NR4A3: variants seen among roughly 807,000 people sequenced by gnomAD.
NR4A3 encodes nuclear receptor subfamily 4 group A member 3.
Under a neutral mutation model 55.6 loss-of-function variants are expected in NR4A3, and 13 were observed. The observed-to-expected ratio is 0.23, with a 90% CI of 0.15 to 0.37. The LOEUF (loss-of-function observed/expected upper bound fraction) is 0.37, where lower values mean the gene tolerates loss of function less well. Ranked by LOEUF, NR4A3 falls within the 10% of genes least tolerant of loss-of-function variation. The pLI, the probability that NR4A3 is intolerant of heterozygous loss-of-function variation, is 1.00. For missense variants in NR4A3, 646 were observed against 822.8 expected (o/e 0.79, Z 2.63); for synonymous variants, 342 against 357.9 (o/e 0.96, Z 0.50).
In NR4A3 at chr9:99,866,677, CAG is replaced by C. The variant is rs1828104172; in HGVS notation, c.*2811_*2812del. 4.5e-6 allele frequency: 1 copy of C among 224,412 alleles called. No individual in the cohort carries two copies. Among genetic ancestry groups the C allele is most frequent in the African/African-American group, 2.2e-5 (1 of 44,852 alleles). The allele number at this position is 224,412 out of a possible 1,614,324, so 13.9% of individuals were successfully genotyped here. On this transcript the variant is annotated 3_prime_UTR_variant, in exon 8 of 8. Transcript: ENST00000395097. ...CCTCCCCTTGGCGGGAGAGCTCTCTCAGTGTGAACATGCCTTCTGTGGGCGGA... is the reference window on the plus strand; with the variant it reads ...CCTCCCCTTGGCGGGAGAGCTCTCTCTGTGAACATGCCTTCTGTGGGCGGA...
intron 5 of NR4A3, among the ~76,000 whole-genome samples, chr9:99,842,716 C>T (rs1222974658): frequency 6.6e-6 from 1 of 151,106 alleles, no homozygotes; most frequent in African/African-American, 2.4e-5. Context: ...GGCGACAGAG[C>T]AAGACACCAT....
chr9:99,863,026 G>T (rs1211208057), intron 7 of NR4A3, among the ~76,000 whole-genome samples: 4 of 152,164 alleles, frequency 2.6e-5, no homozygotes, highest in Non-Finnish European at 5.9e-5. Flanking sequence ...CTCAGTGCTG[G>T]TTAGCATGAA....
intron 5 of NR4A3, chr9:99,833,749 A>G (rs1206998130): frequency 6.3e-6 from 9 of 1,425,288 alleles, no homozygotes; most frequent in Non-Finnish European, 7.4e-6. Flanking sequence ...CAGACAAACT[A>G]CAATTTGTAG....
chr9:99,828,266 G>A lies in NR4A3; in HGVS notation c.224G>A (p.Cys75Tyr). Residue 75 changes from cysteine (C) to tyrosine (Y), a missense_variant, in exon 3 of 8, where the codon TGC becomes TAC. By Grantham distance (194) the Cys-to-Tyr change is radical. Around this residue, in one of 5 missense-constraint regions of NR4A3, gnomAD observed 426 missense variants for 429.4 expected, o/e 0.99. Coordinates refer to ENST00000395097, the MANE Select transcript of NR4A3 (RefSeq NM_006981.4). This position sits in a 1 kb window ranked among gnomAD's most constrained non-coding sequence, Gnocchi z 7.7. ...YSSNYELKPS[C>Y]VYQMQRPLIK... ...AGCAACTACGAACTCAAGCCTTCCTGCGTGTACCAAATGCAGCGGCCCTTG... is the reference window on the plus strand; with the variant it reads ...AGCAACTACGAACTCAAGCCTTCCTACGTGTACCAAATGCAGCGGCCCTTG... The A allele has an allele frequency of 6.2e-7, 1 of 1,613,966 alleles. No individual in the cohort carries two copies. Among genetic ancestry groups the A allele is most frequent in the Non-Finnish European group, 8.5e-7 (1 of 1,179,990 alleles).
At chr9:99,836,621 A>G (rs1420296428) in intron 5 of NR4A3, among the ~76,000 whole-genome samples, 1 of 152,270 alleles carries the variant, frequency 6.6e-6, no homozygotes, top group Non-Finnish European at 1.5e-5. Flanking sequence ...TATGGCAAAA[A>G]GAACTATTCT....
At position 99,864,565 on chromosome 9, in the gene NR4A3, A is replaced by C. The variant is rs558064941; in HGVS notation, c.*698A>C. Reference sequence around the variant, plus strand: ...AAAAAGGAGGCAGTCATGTTAGCAAATGACACGTTAATATCCCTAGCAGAG... The same window carrying C: ...AAAAAGGAGGCAGTCATGTTAGCAACTGACACGTTAATATCCCTAGCAGAG... On this transcript the variant is annotated 3_prime_UTR_variant, in exon 8 of 8. Coordinates refer to ENST00000395097, the MANE Select transcript of NR4A3 (RefSeq NM_006981.4). The C allele has an allele frequency of 6.6e-4, 150 of 227,810 alleles. 1 individual carries two copies. The South Asian group carries it at 0.015, about 22-fold the overall frequency. The allele number at this position is 227,810 out of a possible 1,614,324, so 14.1% of individuals were successfully genotyped here.
intron 5 of NR4A3, among the ~76,000 whole-genome samples, chr9:99,838,313 T>C (rs545412130): frequency 6.6e-6 from 1 of 152,296 alleles, no homozygotes; most frequent in East Asian, 1.9e-4. Context: ...GACTTGCAAA[T>C]ACGAGAGGTG....
intron 7 of NR4A3, among the ~76,000 whole-genome samples, chr9:99,858,705 G>T (rs929722375): frequency 3.3e-5 from 5 of 152,162 alleles, no homozygotes; most frequent in African/African-American, 9.7e-5. Context: ...TAGAGTAAAA[G>T]AAAATAGCCC....
chr9:99,824,679 T>G (rs1277143776), intron 1 of NR4A3, among the ~76,000 whole-genome samples: 1 of 152,200 alleles, frequency 6.6e-6, no homozygotes, highest in Non-Finnish European at 1.5e-5. Flanking sequence ...TGGTTTGATT[T>G]GGGGTTTTTC....
chr9:99,828,326 A>G lies in NR4A3; in HGVS notation c.284A>G (p.His95Arg). ...GAGGAGGGGCGGGCGCCCAGCTACCATCACCATCACCACCACCACCACCAC... is the reference window on the plus strand; with the variant it reads ...GAGGAGGGGCGGGCGCCCAGCTACCGTCACCATCACCACCACCACCACCAC... Reference protein sequence around the residue: ...KVEEGRAPSYHHHHHHHHHHH... With the variant: ...KVEEGRAPSYRHHHHHHHHHH... The change falls in exon 3 of 8, where the codon CAT (histidine) becomes CGT (arginine). Residue 95 changes from histidine to arginine, a missense_variant. Coordinates refer to ENST00000395097, the MANE Select transcript of NR4A3 (RefSeq NM_006981.4). The surrounding 1 kb of genome is among the most constrained non-coding windows in gnomAD (Gnocchi z 7.7). The G allele has an allele frequency of 6.2e-7, 1 of 1,610,062 alleles. No individual in the cohort carries two copies. Among genetic ancestry groups the G allele is most frequent in the Non-Finnish European group, 8.5e-7 (1 of 1,178,744 alleles).
intron 7 of NR4A3, among the ~76,000 whole-genome samples, chr9:99,850,629 C>T (rs997922237): frequency 5.9e-5 from 9 of 152,128 alleles, no homozygotes; most frequent in Non-Finnish European, 1.2e-4. Flanking sequence ...ACTTTGGAAT[C>T]GAGCACGCCC....
chr9:99,827,934 C>G, intron 2 of NR4A3, 107 bp from the exon 3 acceptor site: 1 of 1,342,574 alleles, frequency 7.4e-7, no homozygotes, highest in South Asian at 1.4e-5. Flanking sequence ...GAGGATGACA[C>G]TTCCTCTCTG....
chr9:99,844,653 G>A lies in NR4A3; in HGVS notation c.1259G>A (p.Cys420Tyr). The A allele has an allele frequency of 6.2e-7, 1 of 1,614,072 alleles. No individual in the cohort carries two copies. The highest frequency in any genetic ancestry group is 8.5e-7 in the Non-Finnish European group (1 of 1,179,954). Reference protein sequence around the residue: ...TPRDLDYSRYCPTDQAAAGTD... With the variant: ...TPRDLDYSRYYPTDQAAAGTD... ...TCTCTCTGGTTTGCATTCTAGTACT[G>A]TCCCACTGACCAGGCTGCTGCAGGC... is the stretch of plus-strand genomic sequence containing the variant. Residue 420 changes from cysteine (C) to tyrosine (Y), a missense_variant, in exon 6 of 8, where the codon TGT (cysteine) becomes TAT (tyrosine). By Grantham distance (194) the Cys-to-Tyr change is radical (BLOSUM62 -2). Around this residue, in one of 5 missense-constraint regions of NR4A3, gnomAD observed 163 missense variants for 233.0 expected, o/e 0.70. Transcript: ENST00000395097.
intron 7 of NR4A3, among the ~76,000 whole-genome samples, chr9:99,851,733 C>T (rs1268302052): frequency 6.6e-6 from 1 of 152,158 alleles, no homozygotes; most frequent in Non-Finnish European, 1.5e-5. Flanking sequence ...TAACCATTGC[C>T]CTTTGCCAGT....
chr9:99,829,613 A>C (rs1287209656), intron 3 of NR4A3, among the ~76,000 whole-genome samples: 2 of 152,176 alleles, frequency 1.3e-5, no homozygotes, highest in East Asian at 3.9e-4. Context: ...CGTGACCCCA[A>C]AGTCCATTCC....
Position 99,866,664 on chromosome 9 carries a change from G to A in NR4A3, c.*2797G>A, listed in dbSNP as rs1209933074. 3.1e-5 allele frequency: 7 copies of A among 224,738 alleles called. No individual in the cohort carries two copies. The highest frequency in any genetic ancestry group is 6.2e-5 in the Non-Finnish European group (7 of 112,458). 13.9% of individuals were successfully genotyped at this position (224,738 alleles called of 1,614,324 possible). On this transcript the variant is annotated 3_prime_UTR_variant, in exon 8 of 8. Coordinates refer to ENST00000395097, the MANE Select transcript of NR4A3 (RefSeq NM_006981.4). ...AAAGCAGGTGATTCCTCCCCTTGGCGGGAGAGCTCTCTCAGTGTGAACATG... is the reference window on the plus strand; with the variant it reads ...AAAGCAGGTGATTCCTCCCCTTGGCAGGAGAGCTCTCTCAGTGTGAACATG...
At chr9:99,834,591 C>T (rs1827518233) in intron 5 of NR4A3, among the ~76,000 whole-genome samples, 1 of 152,130 alleles carries the variant, frequency 6.6e-6, no homozygotes, top group Admixed American at 6.5e-5. Context: ...GTCTTGGTGG[C>T]TACTACCAAA....
At chr9:99,827,438 G>A (rs569272982) in intron 2 of NR4A3, among the ~76,000 whole-genome samples, 1 of 152,278 alleles carries the variant, frequency 6.6e-6, no homozygotes, top group South Asian at 2.1e-4. Context: ...TGTGCAGGCT[G>A]CTAGCCCTAT....
intron 5 of NR4A3, chr9:99,834,732 G>A: frequency 1.1e-6 from 1 of 930,602 alleles, no homozygotes; most frequent in Non-Finnish European, 1.3e-6. Flanking sequence ...TGTACCTGCT[G>A]TGATCCTCTT....
Sources: allele counts gnomAD v4.1 joint callset (sites outside exome capture counted in the v4.1 genomes callset), GRCh38; gene constraint gnomAD v4.1.1; regional missense constraint gnomAD v4.1.1; non-coding constraint Gnocchi (gnomAD v3.1); transcripts MANE v1.5; gene names NCBI Gene and HGNC (gene_info 2026-07-23, HGNC 2026-07-21).